The following DAB1 variants were observed in gnomAD, a reference collection of about 807,000 sequenced individuals.
DAB1 encodes the protein disabled homolog 1.
DAB1 carries 15 observed loss-of-function variants against 64.6 expected under a neutral mutation model. The ratio of observed to expected loss-of-function variants is 0.23; its 90% CI spans 0.16 to 0.36. The LOEUF (loss-of-function observed/expected upper bound fraction) is 0.36. DAB1 is among the 10% of genes least tolerant of loss of function. The pLI, the probability that DAB1 is intolerant of heterozygous loss-of-function variation, is 1.00. For synonymous variants in DAB1, 235 were observed against 251.9 expected (o/e 0.93, Z 0.64); for missense variants, 596 against 706.7 (o/e 0.84, Z 1.78).
intron 9 of DAB1, among the ~76,000 whole-genome samples, chr1:57,043,984 A>G (rs190273586): frequency 7.9e-4 from 120 of 152,030 alleles, no homozygotes; most frequent in African/African-American, 2.8e-3. Context: ...CCCCTTTCCT[A>G]CCATGTTCTC....
intron 7 of DAB1, among the ~76,000 whole-genome samples, chr1:57,630,206 G>C (rs956343017): frequency 6.6e-6 from 1 of 152,166 alleles, no homozygotes; most frequent in African/African-American, 2.4e-5. Flanking sequence ...AATATCAGGG[G>C]AAGTGACTTC....
intron 7 of DAB1, among the ~76,000 whole-genome samples, chr1:57,431,019 G>A (rs1354996814): frequency 2.6e-5 from 4 of 151,750 alleles, no homozygotes; most frequent in Non-Finnish European, 5.9e-5. Context: ...GACGCTAAGG[G>A]AGCATCAAAT....
intron 6 of DAB1, among the ~76,000 whole-genome samples, chr1:57,773,344 T>TAC (rs60059518): frequency 0.38 from 55,858 of 147,464 alleles, 10,347 homozygotes; most frequent in South Asian, 0.48. Flanking sequence ...TTGAGTTGTA[T>TAC]ACACACACAC....
intron 3 of DAB1, among the ~76,000 whole-genome samples, chr1:58,503,570 C>A (rs1367866873): frequency 6.6e-6 from 1 of 151,980 alleles, no homozygotes; most frequent in African/African-American, 2.4e-5. Flanking sequence ...AGGAGGTAAG[C>A]GCCTTTGGGA....
chr1:57,272,481 A>G (rs1671090152), intron 2 of DAB1, among the ~76,000 whole-genome samples: 1 of 152,208 alleles, frequency 6.6e-6, no homozygotes, highest in Admixed American at 6.5e-5. Flanking sequence ...GTAAGCTAGC[A>G]CTTCACTAAA....
chr1:57,724,292 AAGG>A (rs1557444153), intron 6 of DAB1, among the ~76,000 whole-genome samples: 2 of 129,624 alleles, frequency 1.5e-5, no homozygotes. Context: ...GGAACGAAGG[AAGG>A]AAGGAAGGGA....
chr1:58,011,437 C>T (rs113032305), intron 5 of DAB1, among the ~76,000 whole-genome samples: 98 of 152,266 alleles, frequency 6.4e-4, no homozygotes, highest in African/African-American at 2.3e-3. Flanking sequence ...GCCATATTAT[C>T]CTTATTTTAA....
intron 3 of DAB1, among the ~76,000 whole-genome samples, chr1:58,426,261 A>G (rs576381919): frequency 6.6e-6 from 1 of 152,296 alleles, no homozygotes; most frequent in South Asian, 2.1e-4. Flanking sequence ...TCTGTCTACC[A>G]TACCACATGC....
intron 3 of DAB1, among the ~76,000 whole-genome samples, chr1:58,454,791 TA>T (rs1377828242): frequency 6.6e-6 from 1 of 152,198 alleles, no homozygotes; most frequent in Non-Finnish European, 1.5e-5. Flanking sequence ...TTTGTGACAG[TA>T]AAGCGCTTTT....
intron 7 of DAB1, among the ~76,000 whole-genome samples, chr1:57,434,960 A>C (rs925495635): frequency 1.3e-5 from 2 of 152,016 alleles, no homozygotes; most frequent in African/African-American, 4.8e-5. Context: ...ATTACTGTGC[A>C]CTACTGTAGA....
intron 5 of DAB1, among the ~76,000 whole-genome samples, chr1:58,073,416 C>G (rs1405897527): frequency 6.6e-6 from 1 of 152,158 alleles, no homozygotes; most frequent in Non-Finnish European, 1.5e-5. Context: ...ATAGAGCACC[C>G]TGTGCCAACC....
chr1:57,015,593 G>C (rs531353885), intron 11 of DAB1, among the ~76,000 whole-genome samples, 162 bp from the exon 12 acceptor site: 1 of 152,362 alleles, frequency 6.6e-6, no homozygotes, highest in Admixed American at 6.5e-5. Flanking sequence ...AGTCCTTGCT[G>C]TCATAGAGCC....
intron 7 of DAB1, among the ~76,000 whole-genome samples, chr1:57,553,386 GAA>G (rs1491477028): frequency 0.5 from 7,135 of 14,292 alleles, 1,798 homozygotes; most frequent in Admixed American, 0.64. Flanking sequence ...GGAAGAAAGA[GAA>G]AGAAAGAAAG....
At chr1:57,359,295 C>A (rs1176351617) in intron 1 of DAB1, among the ~76,000 whole-genome samples, 1 of 151,672 alleles carries the variant, frequency 6.6e-6, no homozygotes, top group Non-Finnish European at 1.5e-5. Context: ...GAATAAACAT[C>A]TCTCAAAAGA....
chr1:58,067,102 G>C (rs1648902161), intron 5 of DAB1, among the ~76,000 whole-genome samples: 1 of 152,124 alleles, frequency 6.6e-6, no homozygotes, highest in South Asian at 2.1e-4. Context: ...AGACCCTCTT[G>C]TTATTCTCTC....
In DAB1 at chr1:57,895,731, C is replaced by T. The variant is rs879821460; in HGVS notation, n.388-11569G>A. 3.3e-5 allele frequency among the ~76,000 whole-genome samples: 5 copies of T among 152,224 alleles called. No homozygotes were observed. The East Asian group carries it at 7.7e-4, about 24-fold the overall frequency. The stretch of plus-strand genomic sequence containing the variant: ...ACTAAATACAGAGCTTCACTGCCTG[C>T]CATTATGGAGTAAAGAATAGAATCA... On this transcript the variant is annotated intron_variant and non_coding_transcript_variant, in intron 5 of 20. Transcript: ENST00000485760.
chr1:57,413,618 C>A (rs943823073), intron 1 of DAB1, among the ~76,000 whole-genome samples: 1 of 151,750 alleles, frequency 6.6e-6, no homozygotes, highest in Non-Finnish European at 1.5e-5. Context: ...GTGGCAGGTG[C>A]CTGTACTCCC....
intron 3 of DAB1, among the ~76,000 whole-genome samples, chr1:58,413,114 G>C (rs577397796): frequency 6.6e-6 from 1 of 152,288 alleles, no homozygotes; most frequent in South Asian, 2.1e-4. Flanking sequence ...CATTAGGTGA[G>C]TTAAGGAACA....
intron 6 of DAB1, among the ~76,000 whole-genome samples, chr1:57,681,720 G>A (rs565885034): frequency 3.9e-5 from 6 of 152,212 alleles, no homozygotes; most frequent in Non-Finnish European, 5.9e-5. Flanking sequence ...AAATAGAGAG[G>A]AGGGAGTACT....
Sources: gnomAD v4.1 joint callset for allele counts (sites outside exome capture counted in the v4.1 genomes callset) on GRCh38, gnomAD v4.1.1 for gene constraint, MANE v1.5 for transcripts, NCBI Gene and HGNC (gene_info 2026-07-23, HGNC 2026-07-21) for gene names.